WNK3: variants seen among roughly 807,000 people sequenced by gnomAD.
WNK3 encodes WNK lysine deficient protein kinase 3.
In WNK3, 18 loss-of-function variants were observed where a neutral mutation model predicts 116.7. The ratio of observed to expected loss-of-function variants is 0.15; its 90% confidence interval spans 0.11 to 0.23. WNK3 has a LOEUF of 0.23. Ranked by LOEUF, WNK3 falls within the 10% of genes least tolerant of loss-of-function variation. The pLI is 1.00. For synonymous variants in WNK3, 404 were observed against 469.4 expected, an observed-to-expected ratio of 0.86 and a Z score of 1.80; for missense variants, 993 against 1,323.8, an observed-to-expected ratio of 0.75 and a Z score of 3.88.
chrX:54,322,403 G>A (rs2069049385), intron 2 of WNK3, among the ~76,000 whole-genome samples: 1 of 111,816 alleles, frequency 8.9e-6, no homozygotes, highest in East Asian at 2.8e-4. Flanking sequence ...AAAAGGTGAA[G>A]GCCAGATACT....
chrX:54,353,166 G>T (rs2069541859), intron 1 of WNK3, among the ~76,000 whole-genome samples: 1 of 111,705 alleles, frequency 9.0e-6, no homozygotes, highest in African/African-American at 3.3e-5. Context: ...ACTTTAAAAT[G>T]GTTAAAATGG....
chrX:54,209,611 C>T (rs1436889189), intron 22 of WNK3, among the ~76,000 whole-genome samples: 8 of 80,706 alleles, frequency 9.9e-5, no homozygotes, highest in Admixed American at 1.8e-4. Flanking sequence ...AGTGCAGTGG[C>T]GTGATCTCAG....
intron 2 of WNK3, among the ~76,000 whole-genome samples, chrX:54,315,704 G>T (rs1268323224): frequency 1.8e-5 from 2 of 111,444 alleles, no homozygotes; most frequent in South Asian, 7.6e-4. Context: ...TCTACTTTTA[G>T]ATACTACTTC....
intron 1 of WNK3, among the ~76,000 whole-genome samples, chrX:54,349,203 T>A (rs1488444694): frequency 2.7e-5 from 3 of 111,361 alleles, no homozygotes; most frequent in African/African-American, 9.8e-5. Context: ...CCAGGCATGG[T>A]GGCGCACGCC....
rs1430449929 is a variant in WNK3 at position 54,268,079 on chromosome X, T to TGC, written c.2038-8743_2038-8742dup. ...AAGTCACCTAAGATATCTGAATGCGTGCACACACACACACACACACACACA... is the reference window on the plus strand; with the variant it reads ...AAGTCACCTAAGATATCTGAATGCGTGCGCACACACACACACACACACACACA... On this transcript the variant is annotated intron_variant, in intron 10 of 23. Transcript: ENST00000354646. 1.9e-4 allele frequency among the ~76,000 whole-genome samples: 12 copies of TGC among 63,744 alleles called. No homozygotes were observed. The South Asian group carries it at 8.6e-3, about 46-fold the overall frequency. The allele number at this position is 63,744 out of a possible 115,157, so 55.4% of individuals were successfully genotyped here.
intron 10 of WNK3, among the ~76,000 whole-genome samples, chrX:54,274,567 T>G (rs1460218876): frequency 1.8e-5 from 2 of 111,813 alleles, no homozygotes; most frequent in Non-Finnish European, 3.8e-5. Flanking sequence ...TTTTCCCTCA[T>G]TCCTAAATCA....
At chrX:54,352,052 A>G (rs1291519661) in intron 1 of WNK3, among the ~76,000 whole-genome samples, 1 of 111,737 alleles carries the variant, frequency 8.9e-6, no homozygotes, top group African/African-American at 3.2e-5. Context: ...CTCAACAATA[A>G]AAAGACAAAC....
At chrX:54,238,470 C>T (rs2067987994) in exon 19 of WNK3, 1 of 1,199,553 alleles carries the variant, frequency 8.3e-7, no homozygotes, top group African/African-American at 1.8e-5. Context: ...TCTTCTGTTT[C>T]CACTGCAAGT....
chrX:54,212,162 C>T (rs2067623361), intron 22 of WNK3, among the ~76,000 whole-genome samples: 1 of 111,643 alleles, frequency 9.0e-6, no homozygotes, highest in African/African-American at 3.3e-5. Context: ...GGAGGCAGAG[C>T]TTGCAGTGAA....
intron 5 of WNK3, among the ~76,000 whole-genome samples, chrX:54,305,241 A>ATTAT (rs2068810749): frequency 9.0e-6 from 1 of 111,642 alleles, no homozygotes; most frequent in African/African-American, 3.3e-5. Context: ...ACAGTTTACT[A>ATTAT]TTATTTATGT....
intron 2 of WNK3, among the ~76,000 whole-genome samples, chrX:54,316,000 C>T (rs782491660): frequency 9.0e-6 from 1 of 111,453 alleles, no homozygotes; most frequent in African/African-American, 3.3e-5. Context: ...CCCTTTAGAC[C>T]CTCAAGACTA....
intron 19 of WNK3, 47 bp downstream of exon 19, chrX:54,238,295 T>A (rs200860619): frequency 1.3e-5 from 15 of 1,171,296 alleles, no homozygotes; most frequent in Non-Finnish European, 1.7e-5. Context: ...CTGGCTGTTA[T>A]ATTTTATAAT....
Position 54,198,553 on chromosome X carries a change from G to C in WNK3, c.5174C>G (p.Pro1725Arg), listed in dbSNP as rs782683979. 6.2e-5 allele frequency: 75 copies of C among 1,207,881 alleles called. 1 individual carries two copies. The South Asian group carries it at 1.2e-3, about 20-fold the overall frequency. The change falls in exon 24 of 24, where the codon CCT becomes CGT. Residue 1725 changes from proline (P) to arginine (R), a missense_variant. Pro to Arg is a moderately radical substitution (Grantham distance 103). This residue lies in a region of WNK3 where 836 missense variants were observed against 976.5 expected (regional missense o/e 0.86). Transcript: ENST00000354646. ...TGATGATAATGGCCCAGGAAATGAAGGGAGTGAGAGTCCTTGTGGCAAGGA... is the reference window on the plus strand; with the variant it reads ...TGATGATAATGGCCCAGGAAATGAACGGAGTGAGAGTCCTTGTGGCAAGGA...
intron 2 of WNK3, among the ~76,000 whole-genome samples, chrX:54,320,200 TA>T (rs2069013186): frequency 8.9e-6 from 1 of 112,095 alleles, no homozygotes; most frequent in Non-Finnish European, 1.9e-5. Flanking sequence ...TATGGAATGC[TA>T]AAAGTGTACA....
At chrX:54,223,115 G>T (rs1401834574) in intron 22 of WNK3, among the ~76,000 whole-genome samples, 1 of 108,701 alleles carries the variant, frequency 9.2e-6, no homozygotes, top group African/African-American at 3.3e-5. Context: ...AAATGGAAAT[G>T]ATTTAAATGC....
At chrX:54,352,751 G>A (rs1048982496) in intron 1 of WNK3, among the ~76,000 whole-genome samples, 3 of 111,547 alleles carry the variant, frequency 2.7e-5, no homozygotes, top group African/African-American at 9.8e-5. Flanking sequence ...ATGAAAACAG[G>A]TATTCAAACA....
At chrX:54,298,312 A>G (rs1557166752) in exon 7 of WNK3, 6 of 1,209,185 alleles carry the variant, frequency 5.0e-6, no homozygotes, top group Non-Finnish European at 6.7e-6. Context: ...GAATTTGAGC[A>G]ATCATCTTCT....
chrX:54,197,075 T>C lies in WNK3; in HGVS notation c.*1249A>G, dbSNP rs186659650. The C allele has an allele frequency of 1.6e-3, 179 of 112,339 alleles. 2 individuals are homozygous for C. The highest frequency in any genetic ancestry group is 5.5e-3 in the African/African-American group (171 of 30,912). 9.3% of individuals were successfully genotyped at this position (112,339 alleles called of 1,213,427 possible). A position where few individuals can be genotyped will look rare whatever the true frequency, so the allele number is the denominator to read the frequency against. On this transcript the variant is annotated 3_prime_UTR_variant, in exon 24 of 24. Coordinates refer to ENST00000354646, the Ensembl canonical transcript of WNK3. ...AACCCTGTAAAGCCAGTGTTTCATA[T>C]GTAAGTCTCGAAACCTACTGTGTCA...
chrX:54,327,655 C>T (rs1252708068), intron 2 of WNK3, among the ~76,000 whole-genome samples: 2 of 111,319 alleles, frequency 1.8e-5, no homozygotes, highest in African/African-American at 6.5e-5. Flanking sequence ...GACTTCAAGA[C>T]CAATCTGGCA....
Sources: allele counts gnomAD v4.1 joint callset (sites outside exome capture counted in the v4.1 genomes callset), GRCh38; gene constraint gnomAD v4.1.1; regional missense constraint gnomAD v4.1.1; transcripts MANE v1.5; gene names NCBI Gene and HGNC (gene_info 2026-07-23, HGNC 2026-07-21).